OSBPL10: variants seen among roughly 807,000 people sequenced by gnomAD.
The protein encoded by OSBPL10 is oxysterol-binding protein-related protein 10.
In OSBPL10, 49 loss-of-function variants were observed where a neutral mutation model predicts 81.7. That is an observed-to-expected ratio of 0.60 (90% CI 0.48 to 0.76). The LOEUF is 0.76. Among genes scored for constraint, OSBPL10 ranks in the 30% least tolerant of loss-of-function variants. The pLI, the probability that OSBPL10 is intolerant of heterozygous loss-of-function variation, is 0.00. For missense variants in OSBPL10, 923 were observed against 987.8 expected (o/e 0.93, Z 0.88); for synonymous variants, 419 against 383.6 (o/e 1.09, Z -1.08).
At chr3:31,861,422 C>G (rs12636244) in intron 3 of OSBPL10, among the ~76,000 whole-genome samples, 6,126 of 152,124 alleles carry the variant, frequency 0.04, 224 homozygotes, top group South Asian at 0.097. Context: ...GTATTGTTTA[C>G]AAAATAATGA....
At chr3:31,801,068 C>T (rs1399739489) in intron 4 of OSBPL10, among the ~76,000 whole-genome samples, 3 of 151,698 alleles carry the variant, frequency 2.0e-5, no homozygotes, top group South Asian at 2.1e-4. Context: ...AACAGAGGGA[C>T]GGGGAGACTT....
Position 31,794,676 on chromosome 3 carries a change from G to A in OSBPL10, c.729+35364C>T, listed in dbSNP as rs543129980. 1.2e-4 allele frequency: 36 copies of A among 302,970 alleles called. 1 individual carries two copies. The South Asian group carries it at 1.5e-3, about 13-fold the overall frequency. The allele number at this position is 302,970 out of a possible 1,614,324, so 18.8% of individuals were successfully genotyped here. A position where few individuals can be genotyped will look rare whatever the true frequency, so the allele number is the denominator to read the frequency against. On this transcript the variant is annotated intron_variant, in intron 4 of 11. Transcript: ENST00000396556. ...AAGATGAAGAGGCACCATATAAGCA[G>A]AGCATTTCTATACAAAGAGAGTCTC...
intron 1 of OSBPL10, among the ~76,000 whole-genome samples, chr3:31,951,242 A>G (rs767835434): frequency 6.6e-6 from 1 of 152,148 alleles, no homozygotes; most frequent in Non-Finnish European, 1.5e-5. Context: ...AGACACAATA[A>G]CGGGAATCAA....
intron 2 of OSBPL10, among the ~76,000 whole-genome samples, chr3:32,017,676 T>C (rs13070370): frequency 0.44 from 66,326 of 152,024 alleles, 16,763 homozygotes; most frequent in Non-Finnish European, 0.59. Context: ...GTTTTATTGT[T>C]CGCTGTGTTA....
intron 2 of OSBPL10, chr3:31,989,082 G>A (rs1473557884): frequency 6.2e-7 from 1 of 1,614,006 alleles, no homozygotes; most frequent in African/African-American, 1.3e-5. Context: ...AAAGACTCAT[G>A]TTACGTGAGG....
chr3:31,876,902 A>ATT, intron 2 of OSBPL10, among the ~76,000 whole-genome samples: 1 of 129,502 alleles, frequency 7.7e-6, no homozygotes, highest in African/African-American at 2.8e-5. Context: ...ATCAAATGGC[A>ATT]CTTTTTTTTT....
intron 1 of OSBPL10, among the ~76,000 whole-genome samples, chr3:32,055,078 A>G (rs115802029): frequency 0.011 from 1,620 of 151,774 alleles, 38 homozygotes; most frequent in African/African-American, 0.036. Context: ...AGTTAACTGC[A>G]TGGACTAAGC....
chr3:31,707,027 C>T (rs1477428484), intron 6 of OSBPL10, among the ~76,000 whole-genome samples: 7 of 149,870 alleles, frequency 4.7e-5, no homozygotes, highest in Admixed American at 3.3e-4. Flanking sequence ...GGGGTCAACA[C>T]AAGCAGTTTG....
At chr3:31,796,931 A>G (rs1217881728) in intron 4 of OSBPL10, among the ~76,000 whole-genome samples, 1 of 151,610 alleles carries the variant, frequency 6.6e-6, no homozygotes, top group African/African-American at 2.4e-5. Context: ...ATTCTCATAC[A>G]GGTTCCTTCA....
chr3:31,932,113 T>C (rs1322074312), intron 1 of OSBPL10, among the ~76,000 whole-genome samples: 2 of 152,104 alleles, frequency 1.3e-5, no homozygotes, highest in African/African-American at 4.8e-5. Context: ...TCTGATTATA[T>C]TATACCGAAA....
intron 1 of OSBPL10, among the ~76,000 whole-genome samples, chr3:31,883,673 A>G (rs1351593696): frequency 2.6e-5 from 4 of 151,928 alleles, no homozygotes; most frequent in African/African-American, 9.7e-5. Flanking sequence ...CTGAGATTAC[A>G]GGCGCTTGCC....
chr3:31,922,654 AAAC>A (rs920453982), intron 1 of OSBPL10, among the ~76,000 whole-genome samples: 4 of 152,192 alleles, frequency 2.6e-5, no homozygotes, highest in Non-Finnish European at 5.9e-5. Context: ...ATTGTTCTAA[AAAC>A]AATAATAAAG....
At chr3:31,813,749 C>A (rs1699767665) in intron 4 of OSBPL10, among the ~76,000 whole-genome samples, 1 of 152,128 alleles carries the variant, frequency 6.6e-6, no homozygotes, top group South Asian at 2.1e-4. Flanking sequence ...CTGGCTGCTC[C>A]CACCTGCCAT....
In OSBPL10 at chr3:32,073,616, C is replaced by T. The variant is rs559360713; in HGVS notation, n.185+3780G>A. ...CCCTTCATTTATTAGGTCTATCCAT[C>T]CTTATGCTACTCTTTGCAACGGGGC... On this transcript the variant is annotated intron_variant and non_coding_transcript_variant, in intron 1 of 3. Transcript: ENST00000479173. Among the ~76,000 whole-genome samples the T allele has an allele frequency of 2.0e-5, 3 of 152,286 alleles. No homozygotes were observed. The South Asian group carries it at 6.2e-4, about 32-fold the overall frequency.
At chr3:31,751,437 G>C (rs1697719211) in intron 4 of OSBPL10, among the ~76,000 whole-genome samples, 1 of 152,096 alleles carries the variant, frequency 6.6e-6, no homozygotes, top group Non-Finnish European at 1.5e-5. Flanking sequence ...TATTTACTGA[G>C]AGCCGATTGC....
At chr3:32,021,008 C>G (rs1699359077) in intron 2 of OSBPL10, among the ~76,000 whole-genome samples, 1 of 152,198 alleles carries the variant, frequency 6.6e-6, no homozygotes, top group South Asian at 2.1e-4. Context: ...TTGCTGTGTC[C>G]TCACTTGGAC....
At chr3:32,024,180 G>C (rs1699382300) in intron 2 of OSBPL10, among the ~76,000 whole-genome samples, 2 of 152,082 alleles carry the variant, frequency 1.3e-5, no homozygotes, top group Non-Finnish European at 2.9e-5. Context: ...AACAGTTTGG[G>C]CTCTGCAAGG....
upstream of OSBPL10, among the ~76,000 whole-genome samples, chr3:31,982,302 AT>A (rs1434340981): frequency 1.3e-5 from 2 of 152,182 alleles, no homozygotes; most frequent in African/African-American, 4.8e-5. Flanking sequence ...ATCCATTGTA[AT>A]CTGAAGTATC....
At chr3:31,799,925 G>C (rs1699337153) in intron 4 of OSBPL10, among the ~76,000 whole-genome samples, 2 of 152,160 alleles carry the variant, frequency 1.3e-5, no homozygotes, top group Non-Finnish European at 2.9e-5. Context: ...GGCCAGGCTG[G>C]TCTCGAACTC....
Sources: allele counts gnomAD v4.1 joint callset (sites outside exome capture counted in the v4.1 genomes callset), GRCh38; gene constraint gnomAD v4.1.1; transcripts MANE v1.5; gene names NCBI Gene and HGNC (gene_info 2026-07-23, HGNC 2026-07-21).